Variants in CDK8 observed in about 807,000 individuals in gnomAD.
CDK8 encodes cyclin-dependent kinase 8.
In CDK8, 29 loss-of-function variants were observed where a neutral mutation model predicts 71.5. The observed-to-expected ratio is 0.41, with a 90% CI of 0.30 to 0.55. CDK8 has a LOEUF of 0.55. Ranked by LOEUF, CDK8 falls within the 20% of genes least tolerant of loss-of-function variation. CDK8 has a pLI of 0.37. For missense variants in CDK8, 288 were observed against 572.6 expected (o/e 0.50, Z 5.07); for synonymous variants, 161 against 192.1 (o/e 0.84, Z 1.34).
At chr13:26,331,706 G>A (rs1875323759) in intron 1 of CDK8, among the ~76,000 whole-genome samples, 1 of 152,112 alleles carries the variant, frequency 6.6e-6, no homozygotes, top group Non-Finnish European at 1.5e-5. Flanking sequence ...TGCTGTTTTG[G>A]TTATAGCCTT....
intron 1 of CDK8, among the ~76,000 whole-genome samples, chr13:26,291,150 T>C (rs2137901644): frequency 6.6e-6 from 1 of 151,480 alleles, no homozygotes; most frequent in Non-Finnish European, 1.5e-5. Context: ...CATGTTTAGG[T>C]ACACAAATAC....
Position 26,396,303 on chromosome 13 carries a change from T to TA in CDK8, c.815dup (p.Met273AspfsTer3). On this transcript the variant is annotated frameshift_variant, in exon 8 of 13. Coordinates refer to ENST00000381527, the MANE Select transcript of CDK8 (RefSeq NM_001260.3). LOFTEE classifies it high-confidence loss of function. ...TTCACAGATAAAGATTGGGAAGATATAAAAAAGATGCCTGAACATTCAACA... is the reference window on the plus strand; with the variant it reads ...TTCACAGATAAAGATTGGGAAGATATAAAAAAAGATGCCTGAACATTCAACA... The TA allele has an allele frequency of 4.9e-6, 7 of 1,426,940 alleles. No homozygotes were observed. Among genetic ancestry groups the TA allele is most frequent in the South Asian group, 2.6e-5 (2 of 77,522 alleles). 88.4% of individuals were successfully genotyped at this position (1,426,940 alleles called of 1,614,324 possible).
intron 6 of CDK8, among the ~76,000 whole-genome samples, chr13:26,385,991 A>G (rs1217745430): frequency 6.6e-6 from 1 of 152,178 alleles, no homozygotes; most frequent in African/African-American, 2.4e-5. Context: ...AAGAAATACT[A>G]ACTTCTAAAA....
At chr13:26,312,309 A>T (rs1874321471) in intron 1 of CDK8, among the ~76,000 whole-genome samples, 1 of 152,200 alleles carries the variant, frequency 6.6e-6, no homozygotes. Context: ...AACCCACTTG[A>T]GTCCCCTTCC....
chr13:26,309,553 A>G (rs1214100343), intron 1 of CDK8, among the ~76,000 whole-genome samples: 1 of 152,032 alleles, frequency 6.6e-6, no homozygotes, highest in Non-Finnish European at 1.5e-5. Context: ...TCATTCTTCT[A>G]TGAGAATTCC....
At chr13:26,289,229 A>G (rs1412476758) in intron 1 of CDK8, among the ~76,000 whole-genome samples, 4 of 150,748 alleles carry the variant, frequency 2.7e-5, no homozygotes, top group African/African-American at 7.3e-5. Flanking sequence ...TAATTTTTGT[A>G]TTTTTAGTAG....
intron 5 of CDK8, 101 bp from the exon 6 acceptor site, chr13:26,385,110 G>C (rs2138049482): frequency 3.2e-6 from 3 of 949,380 alleles, no homozygotes; most frequent in Non-Finnish European, 4.6e-6. Flanking sequence ...CTAGAATTGA[G>C]CACATTTTTC....
intron 1 of CDK8, among the ~76,000 whole-genome samples, chr13:26,320,391 A>G (rs777875694): frequency 3.9e-5 from 6 of 152,146 alleles, no homozygotes; most frequent in Non-Finnish European, 7.4e-5. Flanking sequence ...AGCCTGGGCA[A>G]CAAAGCAAGT....
chr13:26,366,547 T>A (rs1210057168), intron 4 of CDK8, among the ~76,000 whole-genome samples: 1 of 152,172 alleles, frequency 6.6e-6, no homozygotes. Flanking sequence ...CACTTTGTTA[T>A]ATGACCTATA....
intron 1 of CDK8, among the ~76,000 whole-genome samples, chr13:26,304,340 A>G (rs1873945468): frequency 6.6e-6 from 1 of 151,876 alleles, no homozygotes; most frequent in Non-Finnish European, 1.5e-5. Context: ...TTTAAAAATC[A>G]AGCCTAACAA....
chr13:26,322,446 A>G (rs1874818815), intron 1 of CDK8, among the ~76,000 whole-genome samples: 1 of 152,040 alleles, frequency 6.6e-6, no homozygotes, highest in South Asian at 2.1e-4. Flanking sequence ...CACTTTTGGT[A>G]GGGTGTTACA....
intron 1 of CDK8, among the ~76,000 whole-genome samples, chr13:26,292,850 A>G (rs896928292): frequency 1.3e-5 from 2 of 152,238 alleles, no homozygotes; most frequent in African/African-American, 4.8e-5. Context: ...ATCCCTGTGT[A>G]TAACTTGTTT....
chr13:26,306,214 C>G (rs982635917), intron 1 of CDK8, among the ~76,000 whole-genome samples: 28 of 152,178 alleles, frequency 1.8e-4, no homozygotes, highest in Admixed American at 1.8e-3. Context: ...AACCAAAAGT[C>G]CATGGGCATT....
chr13:26,353,234 T>C (rs1486686424), intron 3 of CDK8, among the ~76,000 whole-genome samples: 1 of 152,192 alleles, frequency 6.6e-6, no homozygotes, highest in South Asian at 2.1e-4. Flanking sequence ...TCAGAATCTT[T>C]CCCATTTTTA....
chr13:26,357,710 AAT>A (rs1032452122), intron 4 of CDK8, among the ~76,000 whole-genome samples: 1 of 152,212 alleles, frequency 6.6e-6, no homozygotes, highest in African/African-American at 2.4e-5. Flanking sequence ...AGGCTTGGTA[AAT>A]CCAAAATCTG....
At chr13:26,267,753 A>G (rs1048832056) in intron 1 of CDK8, among the ~76,000 whole-genome samples, 49 of 152,226 alleles carry the variant, frequency 3.2e-4, no homozygotes, top group African/African-American at 1.2e-3. Flanking sequence ...GAACTGCAAT[A>G]AATGTCCTTT....
chr13:26,354,459 T>C (rs1257166309), intron 4 of CDK8, among the ~76,000 whole-genome samples: 2 of 152,196 alleles, frequency 1.3e-5, no homozygotes, highest in East Asian at 3.9e-4. Context: ...CATTTATGCC[T>C]TTTTTCACCC....
At chr13:26,277,079 C>A (rs1872585702) in intron 1 of CDK8, among the ~76,000 whole-genome samples, 1 of 152,174 alleles carries the variant, frequency 6.6e-6, no homozygotes, top group Admixed American at 6.5e-5. Context: ...GAAGAACACA[C>A]AAACAATGCA....
intron 1 of CDK8, among the ~76,000 whole-genome samples, chr13:26,323,337 GAGGGA>G (rs1874875939): frequency 2.3e-4 from 1 of 4,358 alleles, no homozygotes; most frequent in Non-Finnish European, 2.1e-3. Context: ...GGGAGAGAGA[GAGGGA>G]GAGGGAGAGG....
Sources: allele counts gnomAD v4.1 joint callset (sites outside exome capture counted in the v4.1 genomes callset), GRCh38; gene constraint gnomAD v4.1.1; transcripts MANE v1.5; gene names NCBI Gene and HGNC (gene_info 2026-07-23, HGNC 2026-07-21).